The following MRS2 variants were observed in gnomAD, a reference collection of about 807,000 sequenced individuals.
The protein encoded by MRS2 is magnesium transporter MRS2 homolog, mitochondrial.
Under a neutral mutation model 52.6 loss-of-function variants are expected in MRS2, and 40 were observed. The ratio of observed to expected loss-of-function variants is 0.76; its 90% CI spans 0.59 to 0.99. The LOEUF (loss-of-function observed/expected upper bound fraction) is 0.99, where lower values mean the gene tolerates loss of function less well. Ranked by LOEUF, MRS2 falls within the 50% of genes least tolerant of loss-of-function variation. The pLI, the probability that MRS2 is intolerant of heterozygous loss-of-function variation, is 0.00. For missense variants in MRS2, 472 were observed against 532.7 expected (o/e 0.89, Z 1.12); for synonymous variants, 193 against 195.9 (o/e 0.98, Z 0.13).
In MRS2 at chr6:24,424,724, A is replaced by T. The variant is rs968973799; in HGVS notation, c.*1030A>T. On this transcript the variant is annotated 3_prime_UTR_variant, in exon 11 of 11. Transcript: ENST00000378386. The stretch of plus-strand genomic sequence containing the variant: ...TGTTAAGCCTCCCAAAGTAGTGTGC[A>T]TGGAAGATTCTAGAGTGTCCAGCTC... The T allele has an allele frequency of 2.0e-5, 3 of 152,234 alleles. No homozygotes were observed. The highest frequency in any genetic ancestry group is 4.4e-5 in the Non-Finnish European group (3 of 68,042). 9.4% of individuals were successfully genotyped at this position (152,234 alleles called of 1,614,324 possible). A position where few individuals can be genotyped will look rare whatever the true frequency, so the allele number is the denominator to read the frequency against.
At chr6:24,407,951 G>A (rs537342853) in intron 2 of MRS2, among the ~76,000 whole-genome samples, 1 of 152,200 alleles carries the variant, frequency 6.6e-6, no homozygotes, top group South Asian at 2.1e-4. Context: ...TGTAACCATC[G>A]CAGGGGCACA....
Position 24,423,585 on chromosome 6 carries a change from T to G in MRS2, c.1223T>G (p.Met408Arg), listed in dbSNP as rs1349830085. 6.4e-7 allele frequency: 1 copy of G among 1,563,782 alleles called. No homozygotes were observed. Among genetic ancestry groups the G allele is most frequent in the African/African-American group, 1.4e-5 (1 of 73,424 alleles). The change falls in exon 11 of 11, where the codon ATG (methionine) becomes AGG (arginine). Residue 408 changes from methionine (M) to arginine (R), a missense_variant and splice_region_variant. Physicochemically the swap from Met to Arg is moderately conservative, Grantham distance 91. Transcript: ENST00000378386. Reference protein sequence around the residue: ...RQLEAPLPPMMASLPKKTLLA... With the variant: ...RQLEAPLPPMRASLPKKTLLA... ...AATTAATACTTCTGCTTTATTTAGA[T>G]GGCTTCTTTACCTAAAAAGACTCTT...
intron 6 of MRS2, among the ~76,000 whole-genome samples, chr6:24,415,894 G>C (rs1311935491): frequency 6.6e-6 from 1 of 152,072 alleles, no homozygotes; most frequent in Admixed American, 6.6e-5. Context: ...CTGGAGTGCA[G>C]TGGTGCAGTC....
At chr6:24,410,736 C>T (rs2127286854) in intron 4 of MRS2, 1 of 1,530,512 alleles carries the variant, frequency 6.5e-7, no homozygotes, top group Non-Finnish European at 8.7e-7. Context: ...GAAATATTCT[C>T]TACTCTTGGA....
intron 8 of MRS2, 93 bp from the exon 9 acceptor site, chr6:24,418,368 T>C: frequency 1.3e-6 from 2 of 1,546,004 alleles, no homozygotes; most frequent in South Asian, 2.6e-5. Context: ...TTTTGTTGTG[T>C]AGGTTTCATC....
intron 1 of MRS2, among the ~76,000 whole-genome samples, chr6:24,404,782 A>T (rs1684432270): frequency 6.6e-6 from 1 of 152,250 alleles, no homozygotes; most frequent in South Asian, 2.1e-4. Flanking sequence ...AAATGTATCT[A>T]CTACCAAATG....
chr6:24,419,468 C>T (rs753083437), intron 9 of MRS2, among the ~76,000 whole-genome samples: 3 of 152,266 alleles, frequency 2.0e-5, no homozygotes, highest in East Asian at 3.9e-4. Context: ...TTAATTCTTA[C>T]ATGTCTGGCA....
intron 9 of MRS2, 70 bp downstream of exon 9, chr6:24,418,648 T>G: frequency 8.3e-7 from 1 of 1,206,590 alleles, no homozygotes; most frequent in Admixed American, 1.7e-5. Flanking sequence ...TCAGTAATCC[T>G]AGCACTTTAG....
rs976479427 is a variant in MRS2, at chr6:24,409,543, C to A, written c.384C>A (p.Val128=). The change falls in exon 4 of 11, where the codon GTC becomes GTA. Residue 128 remains valine (V), a synonymous_variant. Transcript: ENST00000378386. ...TTCAGCATGTAATGAGTATCACAGT[C>A]AGAAACAATAGGATTATCATGAGAA... is the stretch of plus-strand genomic sequence containing the variant. ...LRFQHVMSIT[V]RNNRIIMRME... 2 of 1,603,050 alleles carry A rather than the reference C, an allele frequency of 1.2e-6. No individual in the cohort carries two copies. The highest frequency in any genetic ancestry group is 8.5e-7 in the Non-Finnish European group (1 of 1,171,714).
At chr6:24,404,181 G>C (rs1167059174) in intron 1 of MRS2, among the ~76,000 whole-genome samples, 2 of 152,164 alleles carry the variant, frequency 1.3e-5, no homozygotes, top group African/African-American at 4.8e-5. Flanking sequence ...GGCTAAGTTG[G>C]GTTACATGCT....
Position 24,418,824 on chromosome 6 carries a change from G to A in MRS2, c.1107+246G>A, listed in dbSNP as rs541212067. On this transcript the variant is annotated intron_variant, in intron 9 of 10. Transcript: ENST00000378386. ...TGAGGCAGGAGAATCACTTGAACCC[G>A]GGAGGCGGAGGTTGCAGTGAGCTGA... 61 of 339,238 alleles carry A rather than the reference G, an allele frequency of 1.8e-4. 1 individual carries two copies. The highest frequency in any genetic ancestry group is 9.2e-4 in the South Asian group (32 of 34,790). 21.0% of individuals were successfully genotyped at this position (339,238 alleles called of 1,614,324 possible).
intron 4 of MRS2, 21 bp downstream of exon 4, chr6:24,409,594 C>T (rs1171564486): frequency 2.5e-5 from 35 of 1,392,058 alleles, no homozygotes; most frequent in Non-Finnish European, 3.3e-5. Context: ...TTATTTTCAT[C>T]TATGTTTCTC....
chr6:24,413,217 G>T (rs139540856), intron 5 of MRS2, among the ~76,000 whole-genome samples: 334 of 152,194 alleles, frequency 2.2e-3, no homozygotes, highest in African/African-American at 7.5e-3. Context: ...AGCTCATGCT[G>T]TTAGGAGAAA....
intron 9 of MRS2, among the ~76,000 whole-genome samples, chr6:24,419,697 CAG>C (rs749633509): frequency 1.5e-4 from 23 of 152,130 alleles, no homozygotes; most frequent in African/African-American, 4.8e-4. Context: ...ACTTAACTCC[CAG>C]AGTTTTTCAT....
chr6:24,405,505 C>T (rs563204496), intron 2 of MRS2, among the ~76,000 whole-genome samples: 1 of 152,034 alleles, frequency 6.6e-6, no homozygotes, highest in Non-Finnish European at 1.5e-5. Flanking sequence ...AGGCTTGAAC[C>T]TATGTTCTGC....
At chr6:24,410,824 G>C (rs1329931440) in intron 4 of MRS2, 1 of 1,225,724 alleles carries the variant, frequency 8.2e-7, no homozygotes, top group Admixed American at 2.0e-5. Context: ...AAATTCAGCA[G>C]AATGATAATT....
intron 3 of MRS2, among the ~76,000 whole-genome samples, chr6:24,408,700 G>T (rs1393772406): frequency 5.9e-5 from 9 of 152,230 alleles, no homozygotes; most frequent in Non-Finnish European, 1.2e-4. Flanking sequence ...ATTTGGGAGA[G>T]CAGAGGCTGG....
intron 9 of MRS2, among the ~76,000 whole-genome samples, chr6:24,420,734 A>G (rs1286597131): frequency 6.6e-6 from 1 of 152,198 alleles, no homozygotes; most frequent in African/African-American, 2.4e-5. Flanking sequence ...GGAGGCAGGA[A>G]GATCTGGGGG....
At chr6:24,419,613 A>G (rs909765824) in intron 9 of MRS2, among the ~76,000 whole-genome samples, 1 of 152,264 alleles carries the variant, frequency 6.6e-6, no homozygotes, top group Admixed American at 6.5e-5. Context: ...GAGCTGGAAA[A>G]ATAACAGAAT....
Sources: gnomAD v4.1 joint callset for allele counts (sites outside exome capture counted in the v4.1 genomes callset) on GRCh38, gnomAD v4.1.1 for gene constraint, MANE v1.5 for transcripts, NCBI Gene and HGNC (gene_info 2026-07-23, HGNC 2026-07-21) for gene names.